ZNF219: variants seen among roughly 807,000 people sequenced by gnomAD.
ZNF219 encodes the protein zinc finger protein 219.
A neutral mutation model predicts 54.4 loss-of-function variants in ZNF219; 17 were observed. That is an observed-to-expected ratio of 0.31 (90% CI 0.21 to 0.47). ZNF219 has a LOEUF of 0.47. Among genes scored for constraint, ZNF219 ranks in the 20% least tolerant of loss-of-function variants. The pLI is 1.00. For missense variants in ZNF219, 1,014 were observed against 1,062.3 expected (o/e 0.95, Z 0.63); for synonymous variants, 518 against 476.4 (o/e 1.09, Z -1.14).
chr14:21,102,516 G>T, upstream of ZNF219: 2 of 1,551,774 alleles, frequency 1.3e-6, no homozygotes, highest in Non-Finnish European at 1.7e-6. Flanking sequence ...CTCCTCCCAG[G>T]TACTGGTCAA....
chr14:21,101,615 C>T (rs1889635833), upstream of ZNF219: 3 of 715,556 alleles, frequency 4.2e-6, no homozygotes, highest in Admixed American at 5.8e-5. Context: ...ATAAACAAGG[C>T]AAGACCCTTA....
chr14:21,098,492 A>G lies in ZNF219; in HGVS notation c.-264T>C. On this transcript the variant is annotated 5_prime_UTR_variant, in exon 1 of 5. The change abolishes an upstream ATG in the 5' untranslated region. Transcript: ENST00000360947. ...TCCCCCGCCCCCGGCCCTGGCCCGCATTGTGTGCGGCGGGAGGCGGCCCGG... is the reference window on the plus strand; with the variant it reads ...TCCCCCGCCCCCGGCCCTGGCCCGCGTTGTGTGCGGCGGGAGGCGGCCCGG... 1.0e-6 allele frequency: 1 copy of G among 977,588 alleles called. No homozygotes were observed. Among genetic ancestry groups the G allele is most frequent in the Non-Finnish European group, 1.2e-6 (1 of 825,742 alleles). The allele number at this position is 977,588 out of a possible 1,614,324, so 60.6% of individuals were successfully genotyped here. A position where few individuals can be genotyped will look rare whatever the true frequency, so the allele number is the denominator to read the frequency against.
At chr14:21,094,325 G>A (rs1889154592) in intron 1 of ZNF219, 2 of 454,248 alleles carry the variant, frequency 4.4e-6, no homozygotes, top group African/African-American at 4.0e-5. Flanking sequence ...TGAAGAGAGA[G>A]TTGGGGGAGG....
At chr14:21,100,078 T>A (rs1889537749), upstream of ZNF219, among the ~76,000 whole-genome samples, 1 of 152,096 alleles carries the variant, frequency 6.6e-6, no homozygotes, top group African/African-American at 2.4e-5. Flanking sequence ...AACATATCTA[T>A]CAGGACAGAC....
rs767671590 is a variant in ZNF219 at position 21,091,448 on chromosome 14, T to C, written c.1527A>G (p.Ser509=). 6.2e-7 allele frequency: 1 copy of C among 1,608,958 alleles called. No individual in the cohort carries two copies. Among genetic ancestry groups the C allele is most frequent in the Non-Finnish European group, 8.5e-7 (1 of 1,176,050 alleles). The change falls in exon 4 of 5, where the codon TCA becomes TCG. Residue 509 remains serine (S), a synonymous_variant. Coordinates refer to ENST00000360947, the MANE Select transcript of ZNF219 (RefSeq NM_016423.3). ...DCPFCGKSFR[S]AHHLKVHLRV... ...GCAGATGCACTTTGAGGTGATGTGC[T>C]GAGCGGAAAGATTTTCCGCAGAAAG...
chr14:21,102,239 TG>T, upstream of ZNF219: 1 of 1,410,200 alleles, frequency 7.1e-7, no homozygotes, highest in South Asian at 1.4e-5. Flanking sequence ...CACCACTGAC[TG>T]GCCTCAATCA....
At chr14:21,098,811 C>T, upstream of ZNF219, 1 of 1,287,708 alleles carries the variant, frequency 7.8e-7, no homozygotes, top group African/African-American at 1.5e-5. Flanking sequence ...CCGGACATAC[C>T]AGGGAAGGAG....
Position 21,090,659 on chromosome 14 carries a change from G to A in ZNF219, c.2046C>T (p.Asp682=), listed in dbSNP as rs766519260. ...RARGRRPPQA[D]ASPPYARVPS... ...GTACTCGGGCATAGGGCGGGGACGC[G>A]TCAGCCTGGGGTGGCCGGCGGCCCC... Residue 682 remains aspartate (D), a synonymous_variant, in exon 5 of 5, where the codon GAC becomes GAT. Coordinates refer to ENST00000360947, the MANE Select transcript of ZNF219 (RefSeq NM_016423.3). This position sits in a 1 kb window ranked among gnomAD's most constrained non-coding sequence, Gnocchi z 4.4. 5.0e-6 allele frequency: 8 copies of A among 1,612,376 alleles called. No homozygotes were observed. The highest frequency in any genetic ancestry group is 6.8e-6 in the Non-Finnish European group (8 of 1,179,830).
upstream of ZNF219, chr14:21,103,360 C>T: frequency 6.9e-7 from 1 of 1,457,650 alleles, no homozygotes; most frequent in African/African-American, 1.4e-5. Context: ...CTTCAGTTTT[C>T]ACTCAAAGCA....
Position 21,090,350 on chromosome 14 carries a change from T to G in ZNF219, c.*186A>C. On this transcript the variant is annotated 3_prime_UTR_variant, in exon 5 of 5. Coordinates refer to ENST00000360947, the MANE Select transcript of ZNF219 (RefSeq NM_016423.3). This position sits in a 1 kb window ranked among gnomAD's most constrained non-coding sequence, Gnocchi z 4.4. ...TCTGCCACTTCTAAGGCACTGTGAC[T>G]CCCTTGGGCTGGGTGGGTACCGCCA... 1.3e-6 allele frequency: 1 copy of G among 776,090 alleles called. No individual in the cohort carries two copies. The highest frequency in any genetic ancestry group is 2.2e-6 in the Non-Finnish European group (1 of 463,856). 48.1% of individuals were successfully genotyped at this position (776,090 alleles called of 1,614,324 possible).
At chr14:21,096,662 C>T (rs569921345) in intron 1 of ZNF219, among the ~76,000 whole-genome samples, 130 of 152,256 alleles carry the variant, frequency 8.5e-4, no homozygotes, top group African/African-American at 2.9e-3. Flanking sequence ...TATAAGGATG[C>T]GGGGCCAGGG....
At position 21,093,025 on chromosome 14, in the gene ZNF219, C is replaced by G; in HGVS notation, c.272G>C (p.Gly91Ala). Residue 91 changes from glycine (G) to alanine (A), a missense_variant, in exon 3 of 5, where the codon GGC becomes GCC. Transcript: ENST00000360947. ...GAQAFQCPHC[G>A]HRAAQRALLR... is the part of the protein sequence containing the mutation. ...CAGAGCCCGCTGCGCCGCGCGGTGG[C>G]CGCAGTGAGGGCACTGGAAGGCCTG... The G allele has an allele frequency of 6.3e-7, 1 of 1,599,076 alleles. No homozygotes were observed. Among genetic ancestry groups the G allele is most frequent in the Non-Finnish European group, 8.5e-7 (1 of 1,175,332 alleles).
Position 21,090,926 on chromosome 14 carries a change from A to G in ZNF219, c.1779T>C (p.Ser593=). The change falls in exon 5 of 5, where the codon AGT becomes AGC. Residue 593 remains serine, a synonymous_variant. Coordinates refer to ENST00000360947, the MANE Select transcript of ZNF219 (RefSeq NM_016423.3). The surrounding 1 kb of genome is among the most constrained non-coding windows in gnomAD (Gnocchi z 4.4). ...CAGCACCGCTAGAAGGAGGCCGGGG[A>G]CTTGAGGCGCCCTCCACCCAGGTCG... ...QPATWVEGAS[S]PRPPSSGAGP... 1 of 1,546,892 alleles carries G rather than the reference A, an allele frequency of 6.5e-7. No individual in the cohort carries two copies. The highest frequency in any genetic ancestry group is 8.7e-7 in the Non-Finnish European group (1 of 1,150,688).
chr14:21,093,522 G>T (rs1388205214), intron 2 of ZNF219, 64 bp downstream of exon 2: 15 of 1,566,682 alleles, frequency 9.6e-6, no homozygotes, highest in Non-Finnish European at 1.3e-5. Flanking sequence ...GAGAGAGAGA[G>T]GTAGGCAGGA....
In ZNF219 at chr14:21,091,152, G is replaced by A. The variant is rs34720103; in HGVS notation, c.1565-12C>T. On this transcript the variant is annotated splice_polypyrimidine_tract_variant and intron_variant, in intron 4 of 4. Coordinates refer to ENST00000360947, the MANE Select transcript of ZNF219 (RefSeq NM_016423.3). ...GTAGGGCCGCTCGCCTGGGGAGAGTGGGTGCGATAGGGTCACGGGGTCACG... is the reference window on the plus strand; with the variant it reads ...GTAGGGCCGCTCGCCTGGGGAGAGTAGGTGCGATAGGGTCACGGGGTCACG... The A allele has an allele frequency of 0.044, 70,671 of 1,592,702 alleles. 1,828 individuals carry two copies. Among genetic ancestry groups the A allele is most frequent in the Middle Eastern group, 0.089 (473 of 5,338 alleles).
In ZNF219 at chr14:21,090,856, G is replaced by C; in HGVS notation, c.1849C>G (p.Arg617Gly). The C allele has an allele frequency of 6.4e-7, 1 of 1,554,706 alleles. No homozygotes were observed. The highest frequency in any genetic ancestry group is 8.7e-7 in the Non-Finnish European group (1 of 1,150,620). The change falls in exon 5 of 5, where the codon CGC becomes GGC. Residue 617 changes from arginine to glycine, a missense_variant. By Grantham distance (125) the Arg-to-Gly change is moderately radical. Transcript: ENST00000360947. The surrounding 1 kb of genome is among the most constrained non-coding windows in gnomAD (Gnocchi z 4.4). ...RKPASPGRTL[R>G]NGRGGEAEPL... ...TCGGCCTCACCGCCTCGCCCGTTGC[G>C]CAGGGTCCTCCCAGGGCTGGCGGGC...
chr14:21,090,673 G>A lies in ZNF219; in HGVS notation c.2032C>T (p.Pro678Ser). 3.1e-6 allele frequency: 5 copies of A among 1,612,128 alleles called. No individual in the cohort carries two copies. Among genetic ancestry groups the A allele is most frequent in the Non-Finnish European group, 4.2e-6 (5 of 1,179,734 alleles). Residue 678 changes from proline to serine, a missense_variant, in exon 5 of 5, where the codon CCA (proline) becomes TCA (serine). By Grantham distance (74) the Pro-to-Ser change is moderately conservative. Around this residue, in one of 5 missense-constraint regions of ZNF219, gnomAD observed 281 missense variants for 271.2 expected, o/e 1.04. Coordinates refer to ENST00000360947, the MANE Select transcript of ZNF219 (RefSeq NM_016423.3). The surrounding 1 kb of genome is among the most constrained non-coding windows in gnomAD (Gnocchi z 4.4). ...GGCGGGGACGCGTCAGCCTGGGGTG[G>A]CCGGCGGCCCCTAGCCCGGCGGCTG... ...HHSRRARGRR[P>S]PQADASPPYA... is the part of the protein sequence containing the mutation.
chr14:21,090,213 T>G lies in ZNF219; in HGVS notation c.*323A>C. On this transcript the variant is annotated 3_prime_UTR_variant, in exon 5 of 5. Coordinates refer to ENST00000360947, the MANE Select transcript of ZNF219 (RefSeq NM_016423.3). The surrounding 1 kb of genome is among the most constrained non-coding windows in gnomAD (Gnocchi z 4.4). ...CAGTGCCCCCCACCCTCACCCCTTG[T>G]ACAAAAATAAACTCTCACGCCTATG... The G allele has an allele frequency of 3.5e-6, 2 of 574,954 alleles. No homozygotes were observed. Among genetic ancestry groups the G allele is most frequent in the Non-Finnish European group, 6.6e-6 (2 of 302,840 alleles). 35.6% of individuals were successfully genotyped at this position (574,954 alleles called of 1,614,324 possible).
upstream of ZNF219, chr14:21,103,031 ACT>A (rs1889745384): frequency 6.6e-7 from 1 of 1,522,126 alleles, no homozygotes; most frequent in Admixed American, 2.0e-5. Flanking sequence ...TATTGGCAGG[ACT>A]ATGGGAAACA....
Sources: gnomAD v4.1 joint callset for allele counts (sites outside exome capture counted in the v4.1 genomes callset) on GRCh38, gnomAD v4.1.1 for gene constraint, gnomAD v4.1.1 regional missense constraint, Gnocchi (gnomAD v3.1) non-coding constraint, MANE v1.5 for transcripts, NCBI Gene and HGNC (gene_info 2026-07-23, HGNC 2026-07-21) for gene names.